PTPRK: variants seen among roughly 807,000 people sequenced by gnomAD.
The protein encoded by PTPRK is receptor-type tyrosine-protein phosphatase kappa.
Under a neutral mutation model 178.0 loss-of-function variants are expected in PTPRK, and 75 were observed. The observed-to-expected ratio is 0.42, with a 90% CI of 0.35 to 0.51. PTPRK has a LOEUF of 0.51. Among genes scored for constraint, PTPRK ranks in the 20% least tolerant of loss-of-function variants. PTPRK has a pLI of 0.02. For synonymous variants in PTPRK, 637 were observed against 620.6 expected (o/e 1.03, Z -0.39); for missense variants, 1,441 against 1,797.8 (o/e 0.80, Z 3.59).
chr6:128,195,435 A>G (rs998132130), intron 6 of PTPRK, among the ~76,000 whole-genome samples: 2 of 151,952 alleles, frequency 1.3e-5, no homozygotes, highest in African/African-American at 2.4e-5. Flanking sequence ...AGGAGACACT[A>G]CTTGCATCCT....
At chr6:128,503,842 T>TTGTGTGTGTGAGTGTGTGTG (rs1855909726) in intron 1 of PTPRK, among the ~76,000 whole-genome samples, 1 of 139,886 alleles carries the variant, frequency 7.1e-6, no homozygotes, top group African/African-American at 2.7e-5. Flanking sequence ...CTGGTTATTA[T>TTGTGTGTGTGAGTGTGTGTG]TGTGTGTGTG....
chr6:128,099,083 T>C (rs1234177937), intron 7 of PTPRK, among the ~76,000 whole-genome samples: 1 of 151,784 alleles, frequency 6.6e-6, no homozygotes, highest in South Asian at 2.1e-4. Flanking sequence ...TAAATTTAAC[T>C]TTTTTATGTC....
chr6:128,241,781 CTT>C (rs930513368), intron 4 of PTPRK, among the ~76,000 whole-genome samples: 16 of 132,132 alleles, frequency 1.2e-4, no homozygotes, highest in Admixed American at 2.3e-4. Flanking sequence ...TGTTTGCTTT[CTT>C]TTTTTTTTTT....
chr6:128,371,451 C>G (rs1836269829), intron 2 of PTPRK, among the ~76,000 whole-genome samples: 1 of 152,176 alleles, frequency 6.6e-6, no homozygotes, highest in Non-Finnish European at 1.5e-5. Context: ...GTTGTCATTA[C>G]AGATTTGAAC....
chr6:128,233,132 A>T (rs1249919004), intron 5 of PTPRK, among the ~76,000 whole-genome samples: 1 of 152,246 alleles, frequency 6.6e-6, no homozygotes, highest in Non-Finnish European at 1.5e-5. Flanking sequence ...TCTTGCAGAA[A>T]TTAAATATGC....
At chr6:128,486,509 A>C (rs979188867) in intron 1 of PTPRK, among the ~76,000 whole-genome samples, 3 of 152,214 alleles carry the variant, frequency 2.0e-5, no homozygotes, top group African/African-American at 7.2e-5. Context: ...TTATTGAAAT[A>C]ATTTATGAAT....
intron 3 of PTPRK, among the ~76,000 whole-genome samples, chr6:128,280,945 A>C (rs1612415): frequency 0.17 from 25,539 of 152,070 alleles, 3,983 homozygotes; most frequent in African/African-American, 0.41. Flanking sequence ...TAAAAAAATA[A>C]CTTCCCAGTT....
intron 3 of PTPRK, among the ~76,000 whole-genome samples, chr6:128,293,754 T>C (rs1823793566): frequency 6.6e-6 from 1 of 152,142 alleles, no homozygotes; most frequent in African/African-American, 2.4e-5. Flanking sequence ...TTAGGTTTAC[T>C]ACAATTAAAT....
At chr6:128,328,061 A>G (rs1017412692) in intron 2 of PTPRK, among the ~76,000 whole-genome samples, 1 of 152,186 alleles carries the variant, frequency 6.6e-6, no homozygotes, top group African/African-American at 2.4e-5. Context: ...AAGCTCACTG[A>G]GGGACTATGT....
At chr6:127,997,334 A>C (rs1777273200) in intron 16 of PTPRK, among the ~76,000 whole-genome samples, 1 of 152,136 alleles carries the variant, frequency 6.6e-6, no homozygotes, top group Admixed American at 6.6e-5. Context: ...ACTGCAAAAA[A>C]GCTTTTAATG....
chr6:128,125,397 C>A (rs1017138078), intron 7 of PTPRK, among the ~76,000 whole-genome samples: 3 of 151,980 alleles, frequency 2.0e-5, no homozygotes, highest in African/African-American at 7.3e-5. Context: ...CTGCTCCTGC[C>A]ATGTAAGACA....
At chr6:128,377,949 G>A (rs1170590286) in intron 2 of PTPRK, among the ~76,000 whole-genome samples, 1 of 151,756 alleles carries the variant, frequency 6.6e-6, no homozygotes, top group Non-Finnish European at 1.5e-5. Context: ...TGTTGAAAAA[G>A]AGCACATGTT....
Position 128,397,550 on chromosome 6 carries a change from A to G in PTPRK, c.223+16T>C, listed in dbSNP as rs767402183. The G allele has an allele frequency of 6.2e-7, 1 of 1,613,712 alleles. No individual in the cohort carries two copies. The highest frequency in any genetic ancestry group is 1.1e-5 in the South Asian group (1 of 91,040). On this transcript the variant is annotated intron_variant, in intron 2 of 29. Transcript: ENST00000368226. ...AAACTATTCCCCCAACACTGACTAA[A>G]CAGAGTGACTCTCACCTTGGGGCAT... is the stretch of plus-strand genomic sequence containing the variant.
intron 2 of PTPRK, among the ~76,000 whole-genome samples, chr6:128,326,134 AC>A (rs1462610839): frequency 6.6e-6 from 1 of 152,168 alleles, no homozygotes; most frequent in Non-Finnish European, 1.5e-5. Context: ...ACACATGGAC[AC>A]AGAGAGGGGA....
intron 1 of PTPRK, among the ~76,000 whole-genome samples, chr6:128,437,885 G>A (rs952654814): frequency 1.3e-5 from 2 of 152,172 alleles, no homozygotes; most frequent in Non-Finnish European, 2.9e-5. Flanking sequence ...GAAGGGCAGG[G>A]TTAACAGGAC....
At chr6:128,263,247 G>A (rs1013739383) in intron 3 of PTPRK, among the ~76,000 whole-genome samples, 2 of 152,170 alleles carry the variant, frequency 1.3e-5, no homozygotes, top group African/African-American at 4.8e-5. Context: ...TAAGAAGGAA[G>A]AGGCAATTTC....
chr6:128,519,018 C>A lies in PTPRK; in HGVS notation c.100+1241G>T, dbSNP rs1201215385. 1 of 527,174 alleles carries A rather than the reference C, an allele frequency of 1.9e-6. No individual in the cohort carries two copies. The highest frequency in any genetic ancestry group is 5.5e-5 in the East Asian group (1 of 18,106). 32.7% of individuals were successfully genotyped at this position (527,174 alleles called of 1,614,324 possible). A position where few individuals can be genotyped will look rare whatever the true frequency, so the allele number is the denominator to read the frequency against. On this transcript the variant is annotated intron_variant, in intron 1 of 29. Transcript: ENST00000368226. This position sits in a 1 kb window ranked among gnomAD's most constrained non-coding sequence, Gnocchi z 4.3. ...AGGTACAAAGTAAGTTATTTGCGTC[C>A]TGCGGCTTCAGCCAGGAGCGTGGCT...
chr6:128,156,397 G>A (rs986542159), intron 7 of PTPRK, among the ~76,000 whole-genome samples: 1 of 151,868 alleles, frequency 6.6e-6, no homozygotes, highest in African/African-American at 2.4e-5. Context: ...AGGCTTAACA[G>A]GAAGCATGGC....
intron 7 of PTPRK, among the ~76,000 whole-genome samples, chr6:128,142,385 A>G (rs1312872112): frequency 2.6e-5 from 4 of 152,024 alleles, no homozygotes; most frequent in Non-Finnish European, 4.4e-5. Context: ...GTAATGAAGT[A>G]AAGGGAATAC....
Sources: gnomAD v4.1 joint callset for allele counts (sites outside exome capture counted in the v4.1 genomes callset) on GRCh38, gnomAD v4.1.1 for gene constraint, Gnocchi (gnomAD v3.1) non-coding constraint, MANE v1.5 for transcripts, NCBI Gene and HGNC (gene_info 2026-07-23, HGNC 2026-07-21) for gene names.